SCFD1: variants seen among roughly 807,000 people sequenced by gnomAD.
SCFD1 encodes sec1 family domain-containing protein 1.
SCFD1 carries 37 observed loss-of-function variants against 103.2 expected under a neutral mutation model. The ratio of observed to expected loss-of-function variants is 0.36; its 90% CI spans 0.28 to 0.47. The LOEUF (loss-of-function observed/expected upper bound fraction) is 0.47, where lower values mean the gene tolerates loss of function less well. Ranked by LOEUF, SCFD1 falls within the 20% of genes least tolerant of loss-of-function variation. The pLI, the probability that SCFD1 is intolerant of heterozygous loss-of-function variation, is 1.00. For synonymous variants in SCFD1, 264 were observed against 245.0 expected (o/e 1.08, Z -0.73); for missense variants, 639 against 761.2 (o/e 0.84, Z 1.89).
chr14:30,718,427 G>C (rs777780053), intron 20 of SCFD1, among the ~76,000 whole-genome samples: 1 of 152,142 alleles, frequency 6.6e-6, no homozygotes, highest in Non-Finnish European at 1.5e-5. Flanking sequence ...TATTGCAGAC[G>C]GATATTTTTT....
chr14:30,688,867 T>C (rs1703788619), intron 14 of SCFD1, among the ~76,000 whole-genome samples: 1 of 95,244 alleles, frequency 1.0e-5, no homozygotes, highest in Non-Finnish European at 1.8e-5. Context: ...GGATGTTAGC[T>C]GGTGATTTTG....
At chr14:30,734,447 A>C in intron 23 of SCFD1, 1 of 293,320 alleles carries the variant, frequency 3.4e-6, no homozygotes. Context: ...TTCAAGTAGT[A>C]CACATCCTAC....
chr14:30,639,788 A>G lies in SCFD1; in HGVS notation c.447A>G (p.Gln149=), dbSNP rs762515107. 11 of 1,575,984 alleles carry G rather than the reference A, an allele frequency of 7.0e-6. No homozygotes were observed. The highest frequency in any genetic ancestry group is 1.4e-5 in the African/African-American group (1 of 73,074). Residue 149 remains glutamine, a synonymous_variant, in exon 6 of 25, where the codon CAA becomes CAG. Coordinates refer to ENST00000458591, the MANE Select transcript of SCFD1 (RefSeq NM_016106.4). ...TCTTTTGTTTCTAGGTTTTTGACCA[A>G]TATCTCAATTTTATTACTTTGGAAG... ...AVTQVAKVFD[Q]YLNFITLEDD...
chr14:30,730,024 A>G (rs1893333211), intron 23 of SCFD1, among the ~76,000 whole-genome samples: 1 of 151,930 alleles, frequency 6.6e-6, no homozygotes, highest in South Asian at 2.1e-4. Context: ...TTACCCCACT[A>G]CAGGTCCCGG....
chr14:30,694,269 G>A (rs756568468), intron 14 of SCFD1, among the ~76,000 whole-genome samples: 1 of 152,046 alleles, frequency 6.6e-6, no homozygotes, highest in Non-Finnish European at 1.5e-5. Context: ...ATATATGTAC[G>A]TTATGCAGAA....
At chr14:30,698,400 A>C (rs982732283) in intron 15 of SCFD1, among the ~76,000 whole-genome samples, 3 of 152,212 alleles carry the variant, frequency 2.0e-5, no homozygotes, top group Non-Finnish European at 4.4e-5. Context: ...AGATGTTCTA[A>C]GGCAGTTATT....
chr14:30,707,471 G>A (rs1224637169), intron 18 of SCFD1, among the ~76,000 whole-genome samples: 1 of 152,130 alleles, frequency 6.6e-6, no homozygotes, highest in African/African-American at 2.4e-5. Flanking sequence ...ATAGAGAGGA[G>A]AGAAAATATA....
chr14:30,716,109 C>T (rs1892262786), intron 20 of SCFD1, 132 bp downstream of exon 20: 1 of 653,164 alleles, frequency 1.5e-6, no homozygotes, highest in Non-Finnish European at 2.7e-6. Context: ...AGGAAGAGTC[C>T]ATGTTCTCAA....
Position 30,661,010 on chromosome 14 carries a change from G to A in SCFD1, c.855+7422G>A, listed in dbSNP as rs557538025. Among the ~76,000 whole-genome samples, 16 of 152,144 alleles carry A rather than the reference G, an allele frequency of 1.1e-4. No individual in the cohort carries two copies. The South Asian group carries it at 3.1e-3, about 30-fold the overall frequency. ...AACAAATAGTGGATACCACAGTCTG[G>A]GCTATTAGCGCTGTTTATTTCTACT... On this transcript the variant is annotated intron_variant, in intron 10 of 24. Coordinates refer to ENST00000458591, the MANE Select transcript of SCFD1 (RefSeq NM_016106.4).
At position 30,694,815 on chromosome 14, in the gene SCFD1, A is replaced by G. The variant is rs1336619110; in HGVS notation, c.1285A>G (p.Met429Val). The change falls in exon 15 of 25, where the codon ATG (methionine) becomes GTG (valine). Residue 429 changes from methionine to valine, a missense_variant. Physicochemically the swap from Met to Val is conservative, Grantham distance 21 (BLOSUM62 1). Coordinates refer to ENST00000458591, the MANE Select transcript of SCFD1 (RefSeq NM_016106.4). ...DVYFEYEEKI[M>V]SKTTLDKSLL... ...ATATTTTGAATATGAAGAAAAAATA[A>G]TGAGCAAAACTACTCTGGATAAATC... The G allele has an allele frequency of 6.3e-7, 1 of 1,582,794 alleles. No homozygotes were observed. Among genetic ancestry groups the G allele is most frequent in the East Asian group, 2.3e-5 (1 of 43,504 alleles).
intron 4 of SCFD1, chr14:30,634,996 C>T (rs779980251): frequency 4.4e-6 from 2 of 455,686 alleles, no homozygotes; most frequent in South Asian, 3.1e-5. Context: ...TAGCAAGATT[C>T]TTTTAGCAAG....
intron 14 of SCFD1, among the ~76,000 whole-genome samples, chr14:30,691,946 T>TTATG (rs1480122058): frequency 8.0e-5 from 12 of 150,762 alleles, no homozygotes; most frequent in African/African-American, 2.9e-4. Flanking sequence ...ATTTATTTAT[T>TTATG]TATTTATTTA....
chr14:30,694,552 C>A (rs1394191703), intron 14 of SCFD1, among the ~76,000 whole-genome samples: 1 of 151,886 alleles, frequency 6.6e-6, no homozygotes, highest in African/African-American at 2.4e-5. Flanking sequence ...GTGACACATA[C>A]CTGTGGTCTC....
intron 7 of SCFD1, among the ~76,000 whole-genome samples, 180 bp from the exon 8 acceptor site, chr14:30,649,347 CT>C (rs1566595344): frequency 6.6e-6 from 1 of 151,854 alleles, no homozygotes; most frequent in African/African-American, 2.4e-5. Context: ...CTTGTACCCC[CT>C]AAATATATTT....
chr14:30,624,409 A>ACTCAGT (rs1388080302), intron 1 of SCFD1, among the ~76,000 whole-genome samples: 2 of 152,066 alleles, frequency 1.3e-5, no homozygotes, highest in Non-Finnish European at 1.5e-5. Context: ...TCCCATCTGA[A>ACTCAGT]CTCAGTCTAC....
At chr14:30,658,968 G>A (rs1887175156) in intron 10 of SCFD1, among the ~76,000 whole-genome samples, 1 of 152,090 alleles carries the variant, frequency 6.6e-6, no homozygotes, top group Non-Finnish European at 1.5e-5. Context: ...ATATTTTACT[G>A]TACTTGATAG....
chr14:30,715,659 C>T, intron 19 of SCFD1: 1 of 268,988 alleles, frequency 3.7e-6, no homozygotes, highest in Non-Finnish European at 6.9e-6. Context: ...AAGTAAAAAG[C>T]CCAAACATGT....
chr14:30,675,163 C>T (rs769135610), intron 14 of SCFD1, 98 bp downstream of exon 14: 2 of 534,988 alleles, frequency 3.7e-6, no homozygotes, highest in Non-Finnish European at 6.5e-6. Flanking sequence ...ATTGAGTCCC[C>T]ACTGTAACAT....
intron 14 of SCFD1, among the ~76,000 whole-genome samples, chr14:30,684,733 T>TG (rs1030052447): frequency 4.4e-4 from 65 of 149,372 alleles, no homozygotes; most frequent in African/African-American, 1.5e-3. Context: ...TTATTCTTTT[T>TG]TTTTTTTTTT....
Sources: allele counts gnomAD v4.1 joint callset (sites outside exome capture counted in the v4.1 genomes callset), GRCh38; gene constraint gnomAD v4.1.1; transcripts MANE v1.5; gene names NCBI Gene and HGNC (gene_info 2026-07-23, HGNC 2026-07-21).